Variants in MYH11 observed in about 807,000 individuals in gnomAD.
MYH11 encodes the protein myosin-11.
Under a neutral mutation model 246.6 loss-of-function variants are expected in MYH11, and 80 were observed. The observed-to-expected ratio is 0.32, with a 90% CI of 0.27 to 0.39. The LOEUF is 0.39. Among genes scored for constraint, MYH11 ranks in the 10% least tolerant of loss-of-function variants. The probability of loss-of-function intolerance (pLI) is 1.00; values close to 1 mark genes in which losing one functional copy is unlikely to be tolerated. For missense variants in MYH11, 2,158 were observed against 2,546.8 expected (o/e 0.85, Z 3.29); for synonymous variants, 1,071 against 1,015.5 (o/e 1.05, Z -1.04).
intron 35 of MYH11, 84 bp downstream of exon 35, chr16:15,719,501 T>G: frequency 6.2e-7 from 1 of 1,600,504 alleles, no homozygotes; most frequent in Non-Finnish European, 8.5e-7. Flanking sequence ...CGAAATGAAA[T>G]CTGGGAATGC....
At chr16:15,708,909 C>T in intron 40 of MYH11, 1 of 1,444,676 alleles carries the variant, frequency 6.9e-7, no homozygotes, top group Non-Finnish European at 9.6e-7. Flanking sequence ...TAAGTATATT[C>T]TTAATTGTTA....
intron 7 of MYH11, among the ~76,000 whole-genome samples, chr16:15,777,459 T>A (rs1349425945): frequency 6.6e-6 from 1 of 152,156 alleles, no homozygotes; most frequent in Non-Finnish European, 1.5e-5. Flanking sequence ...GTGATGCTGA[T>A]GCTGCTGGTT....
chr16:15,788,398 G>T lies in MYH11; in HGVS notation c.531-1666C>A, dbSNP rs1449156057. Among the ~76,000 whole-genome samples the T allele has an allele frequency of 2.6e-5, 4 of 151,738 alleles. No individual in the cohort carries two copies. The East Asian group carries it at 7.7e-4, about 29-fold the overall frequency. On this transcript the variant is annotated intron_variant, in intron 4 of 40. Transcript: ENST00000300036. ...TTGTTCACCCCGAGGTCAGCCCAAG[G>T]TTCTCTGTGCTGAACCAGTGCCACC...
intron 27 of MYH11, among the ~76,000 whole-genome samples, chr16:15,731,299 G>C (rs2040953704): frequency 6.6e-6 from 1 of 152,006 alleles, no homozygotes; most frequent in Non-Finnish European, 1.5e-5. Context: ...GTGGGGTCTA[G>C]GACCAGACTG....
chr16:15,739,675 G>C (rs1388624979), intron 23 of MYH11, among the ~76,000 whole-genome samples: 1 of 152,050 alleles, frequency 6.6e-6, no homozygotes, highest in East Asian at 1.9e-4. Flanking sequence ...TTTGAGAACT[G>C]AAAGTCCCAA....
Position 15,801,492 on chromosome 16 carries a change from C to CA in MYH11, c.503-2806dup, listed in dbSNP as rs869102079. Reference sequence around the variant, plus strand: ...ACAACATAGCAAGACCCAGTCTCTACAAAAAAAAATTTTTTTTTAATTAGC... The same window carrying CA: ...ACAACATAGCAAGACCCAGTCTCTACAAAAAAAAAATTTTTTTTTAATTAGC... On this transcript the variant is annotated intron_variant, in intron 3 of 40. Coordinates refer to ENST00000300036, the MANE Select transcript of MYH11 (RefSeq NM_002474.3). Among the ~76,000 whole-genome samples, 9 of 150,004 alleles carry CA rather than the reference C, an allele frequency of 6.0e-5. No individual in the cohort carries two copies. The East Asian group carries it at 7.8e-4, about 13-fold the overall frequency.
chr16:15,727,152 C>T (rs922897648), intron 27 of MYH11, 98 bp from the exon 28 acceptor site: 2 of 1,073,334 alleles, frequency 1.9e-6, no homozygotes, highest in Non-Finnish European at 2.9e-6. Context: ...TCCAGGAAGG[C>T]ACACAACAGG....
At chr16:15,804,609 T>C (rs1484924273) in intron 3 of MYH11, among the ~76,000 whole-genome samples, 1 of 152,130 alleles carries the variant, frequency 6.6e-6, no homozygotes, top group Non-Finnish European at 1.5e-5. Flanking sequence ...ACTACCACCT[T>C]TATCTAGTTC....
chr16:15,835,149 C>G (rs184124355), intron 2 of MYH11, among the ~76,000 whole-genome samples: 2 of 151,672 alleles, frequency 1.3e-5, no homozygotes, highest in East Asian at 3.9e-4. Context: ...TAAAAAGCCA[C>G]TCTAACTCCT....
chr16:15,808,569 G>A (rs2043066768), intron 3 of MYH11, among the ~76,000 whole-genome samples: 1 of 152,176 alleles, frequency 6.6e-6, no homozygotes, highest in Non-Finnish European at 1.5e-5. Flanking sequence ...CCCAACAGGT[G>A]TTTTCCAAAC....
At chr16:15,738,299 A>G (rs1427326183) in intron 24 of MYH11, among the ~76,000 whole-genome samples, 3 of 152,000 alleles carry the variant, frequency 2.0e-5, no homozygotes, top group Non-Finnish European at 2.9e-5. Flanking sequence ...TGGGCCCAGG[A>G]GTTTGAGACT....
At chr16:15,803,140 G>GA (rs369407919) in intron 3 of MYH11, among the ~76,000 whole-genome samples, 11 of 149,182 alleles carry the variant, frequency 7.4e-5, no homozygotes, top group African/African-American at 2.0e-4. Context: ...CCATCTCAAA[G>GA]AAAAAAAAAG....
rs981661988 is a variant in MYH11, at chr16:15,829,302, A to G, written c.346-5891T>C. On this transcript the variant is annotated intron_variant, in intron 2 of 40. Coordinates refer to ENST00000300036, the MANE Select transcript of MYH11 (RefSeq NM_002474.3). The stretch of plus-strand genomic sequence containing the variant: ...GACTTCCATCCTCTTTGTTTGGGAC[A>G]TCTCTCCCAGTGCCGTGCACACAAC... 2.0e-5 allele frequency among the ~76,000 whole-genome samples: 3 copies of G among 152,210 alleles called. No individual in the cohort carries two copies. The South Asian group carries it at 6.2e-4, about 32-fold the overall frequency.
intron 4 of MYH11, among the ~76,000 whole-genome samples, chr16:15,788,834 G>T (rs2042543650): frequency 6.6e-6 from 1 of 151,632 alleles, no homozygotes; most frequent in Admixed American, 6.6e-5. Flanking sequence ...GTGTGTGTGT[G>T]TGTGTGTAAA....
chr16:15,772,932 G>A (rs767220851), intron 8 of MYH11, among the ~76,000 whole-genome samples: 17 of 152,062 alleles, frequency 1.1e-4, no homozygotes, highest in Non-Finnish European at 7.4e-5. Context: ...ATCACCCCCC[G>A]ATGGGACTGC....
intron 27 of MYH11, among the ~76,000 whole-genome samples, chr16:15,731,111 C>T (rs1265398669): frequency 1.3e-5 from 2 of 152,192 alleles, no homozygotes; most frequent in African/African-American, 2.4e-5. Context: ...AGGCATGAGC[C>T]GCCATGCCTG....
At chr16:15,761,659 C>G (rs1344489103) in intron 10 of MYH11, among the ~76,000 whole-genome samples, 4 of 152,176 alleles carry the variant, frequency 2.6e-5, no homozygotes, top group Non-Finnish European at 4.4e-5. Flanking sequence ...AATAGCATTA[C>G]ATGCTGCTTT....
At chr16:15,705,329 T>G (rs927786984) in intron 40 of MYH11, among the ~76,000 whole-genome samples, 3 of 152,176 alleles carry the variant, frequency 2.0e-5, no homozygotes, top group Non-Finnish European at 2.9e-5. Context: ...CTGTCTCTCC[T>G]TAATGCTGCC....
intron 2 of MYH11, among the ~76,000 whole-genome samples, chr16:15,830,459 C>T (rs1415460731): frequency 1.3e-5 from 2 of 152,184 alleles, no homozygotes; most frequent in Admixed American, 6.5e-5. Context: ...CCTCTCTCTA[C>T]TACCATGGAT....
Sources: gnomAD v4.1 joint callset for allele counts (sites outside exome capture counted in the v4.1 genomes callset) on GRCh38, gnomAD v4.1.1 for gene constraint, MANE v1.5 for transcripts, NCBI Gene and HGNC (gene_info 2026-07-23, HGNC 2026-07-21) for gene names.